KLRG1: variants seen among roughly 807,000 people sequenced by gnomAD.
KLRG1 encodes the protein killer cell lectin like receptor G1, also known as killer cell lectin-like receptor subfamily G member 1.
A neutral mutation model predicts 21.8 loss-of-function variants in KLRG1; 16 were observed. The ratio of observed to expected loss-of-function variants is 0.73; its 90% confidence interval spans 0.50 to 1.11. KLRG1 has a LOEUF of 1.11. Among genes scored for constraint, KLRG1 ranks in the 50% most tolerant of loss-of-function variants. KLRG1 has a pLI of 0.00. For synonymous variants in KLRG1, 69 were observed against 75.9 expected, an observed-to-expected ratio of 0.91 and a Z score of 0.47; for missense variants, 173 against 218.3, an observed-to-expected ratio of 0.79 and a Z score of 1.31.
the KLRG1 span, chr12:9,162,236 A>T: frequency 5.7e-6 from 1 of 174,370 alleles, no homozygotes; most frequent in Non-Finnish European, 1.2e-5. Context: ...TGCTGGGATT[A>T]CAAATGTGAG....
the KLRG1 span, among the ~76,000 whole-genome samples, chr12:9,017,517 G>A: frequency 4.9e-4 from 75 of 152,082 alleles, no homozygotes; most frequent in African/African-American, 1.7e-3. Flanking sequence ...CAAAAACCAT[G>A]TGATTATTTC....
the KLRG1 span, chr12:9,027,585 T>C: frequency 1.1e-6 from 1 of 907,798 alleles, no homozygotes; most frequent in Non-Finnish European, 1.8e-6. Flanking sequence ...ATAGGCACCT[T>C]GGTTTCGTGG....
At chr12:8,993,771 T>A (rs1019128567) in intron 2 of KLRG1, among the ~76,000 whole-genome samples, 4 of 152,210 alleles carry the variant, frequency 2.6e-5, no homozygotes, top group African/African-American at 9.7e-5. Context: ...CCAGAACTTA[T>A]ATTGGTTGTA....
the KLRG1 span, among the ~76,000 whole-genome samples, chr12:9,156,882 A>G: frequency 6.6e-6 from 1 of 152,004 alleles, no homozygotes; most frequent in Non-Finnish European, 1.5e-5. Context: ...TTTTTTGCAC[A>G]GTTTTTAAAA....
At chr12:9,128,176 C>G in the KLRG1 span, 1 of 201,718 alleles carries the variant, frequency 5.0e-6, no homozygotes. Flanking sequence ...CTGCGGGTGG[C>G]CAGGTCAGTG....
chr12:9,090,029 A>C, the KLRG1 span: 2 of 1,582,908 alleles, frequency 1.3e-6, no homozygotes, highest in Non-Finnish European at 1.7e-6. Context: ...ATTTCCTGAA[A>C]AAAAAGGCCA....
At chr12:9,213,446 T>C in the KLRG1 span, among the ~76,000 whole-genome samples, 1 of 152,144 alleles carries the variant, frequency 6.6e-6, no homozygotes, top group East Asian at 1.9e-4. Context: ...CCACCAGCAG[T>C]GTATGAACAT....
downstream of KLRG1, among the ~76,000 whole-genome samples, chr12:9,013,494 A>G (rs1390693451): frequency 6.6e-6 from 1 of 152,154 alleles, no homozygotes; most frequent in Non-Finnish European, 1.5e-5. Flanking sequence ...GTCCGTTTTC[A>G]TCCTTCTGAT....
In KLRG1 at chr12:9,009,575, G is replaced by A; in HGVS notation, c.*38G>A. On this transcript the variant is annotated 3_prime_UTR_variant, in exon 5 of 5. Coordinates refer to ENST00000356986, the MANE Select transcript of KLRG1 (RefSeq NM_005810.4). ...CTGTCCTGACCCTCAGATCTGTCATGTATCCCTAAAAGGAGGGAGCTGGCC... is the reference window on the plus strand; with the variant it reads ...CTGTCCTGACCCTCAGATCTGTCATATATCCCTAAAAGGAGGGAGCTGGCC... The A allele has an allele frequency of 6.2e-7, 1 of 1,606,636 alleles. No individual in the cohort carries two copies. Among genetic ancestry groups the A allele is most frequent in the South Asian group, 1.1e-5 (1 of 90,432 alleles).
chr12:9,034,162 T>C, the KLRG1 span, among the ~76,000 whole-genome samples: 4 of 152,222 alleles, frequency 2.6e-5, no homozygotes, highest in Non-Finnish European at 4.4e-5. Flanking sequence ...ATAATGATGT[T>C]TCGGTTAACA....
In KLRG1 at chr12:9,009,935, G is replaced by A; in HGVS notation, c.*398G>A. The A allele has an allele frequency of 6.6e-7, 1 of 1,523,986 alleles. No homozygotes were observed. The highest frequency in any genetic ancestry group is 1.2e-5 in the South Asian group (1 of 83,570). The allele number at this position is 1,523,986 out of a possible 1,614,324, so 94.4% of individuals were successfully genotyped here. A position where few individuals can be genotyped will look rare whatever the true frequency, so the allele number is the denominator to read the frequency against. On this transcript the variant is annotated 3_prime_UTR_variant, in exon 5 of 5. Coordinates refer to ENST00000356986, the MANE Select transcript of KLRG1 (RefSeq NM_005810.4). ...ATACTATTGCTTGTGTACTAGAGAA[G>A]TACATTATTGCTGTACTCCTCTGTA...
At chr12:9,154,925 T>C in the KLRG1 span, 171 of 1,309,278 alleles carry the variant, frequency 1.3e-4, no homozygotes, top group Admixed American at 1.1e-3. Context: ...TCATAATACA[T>C]GGAGCTGAAA....
At chr12:9,200,941 C>T in the KLRG1 span, 1 of 1,614,096 alleles carries the variant, frequency 6.2e-7, no homozygotes, top group South Asian at 1.1e-5. Flanking sequence ...CTGATTCTGT[C>T]TGTACCACCA....
rs1947617168 is a variant in KLRG1, at chr12:9,010,665, T to C, written c.*1128T>C. 6.6e-6 allele frequency: 1 copy of C among 152,230 alleles called. No homozygotes were observed. The highest frequency in any genetic ancestry group is 2.4e-5 in the African/African-American group (1 of 41,460). 9.4% of individuals were successfully genotyped at this position (152,230 alleles called of 1,614,324 possible). Reference sequence around the variant, plus strand: ...AGTTTTTTTAAAAACATGGACTGTATCTTATCTACCACTATATCCCAAATA... The same window carrying C: ...AGTTTTTTTAAAAACATGGACTGTACCTTATCTACCACTATATCCCAAATA... On this transcript the variant is annotated 3_prime_UTR_variant, in exon 5 of 5. Transcript: ENST00000356986.
At chr12:9,094,883 TTTG>T in the KLRG1 span, 4 of 625,240 alleles carry the variant, frequency 6.4e-6, no homozygotes, top group Admixed American at 3.5e-5. Context: ...GTCCTTTTTG[TTTG>T]TTAATTTTTG....
At chr12:9,109,667 T>C in the KLRG1 span, among the ~76,000 whole-genome samples, 1 of 152,218 alleles carries the variant, frequency 6.6e-6, no homozygotes, top group African/African-American at 2.4e-5. Flanking sequence ...TATTAAATAT[T>C]GCTACAGAAA....
chr12:9,163,702 CT>C, the KLRG1 span: 2 of 1,613,946 alleles, frequency 1.2e-6, no homozygotes. Flanking sequence ...TGTGTCTTTT[CT>C]TTTAATCTCA....
At chr12:8,984,583 G>C (rs780562144), upstream of KLRG1, among the ~76,000 whole-genome samples, 2 of 152,050 alleles carry the variant, frequency 1.3e-5, no homozygotes, top group Non-Finnish European at 2.9e-5. Flanking sequence ...AATTATGAAT[G>C]CTGTTCTGTT....
At chr12:9,159,891 A>C in the KLRG1 span, 5 of 1,479,372 alleles carry the variant, frequency 3.4e-6, no homozygotes, top group Admixed American at 8.4e-5. Context: ...ATCTATGTGC[A>C]CGTTCTGAAC....
Sources: gnomAD v4.1 joint callset for allele counts (sites outside exome capture counted in the v4.1 genomes callset) on GRCh38, gnomAD v4.1.1 for gene constraint, MANE v1.5 for transcripts, NCBI Gene and HGNC (gene_info 2026-07-23, HGNC 2026-07-21) for gene names.